Variants in DEPTOR observed in about 807,000 individuals in gnomAD.
The protein encoded by DEPTOR is DEP domain-containing mTOR-interacting protein.
In DEPTOR, 41 loss-of-function variants were observed where a neutral mutation model predicts 41.6. The observed-to-expected ratio is 0.98, with a 90% CI of 0.77 to 1.28. The LOEUF is 1.28. DEPTOR is among the 50% of genes most tolerant of loss of function. The pLI is 0.00. For synonymous variants in DEPTOR, 195 were observed against 192.3 expected (o/e 1.01, Z -0.12); for missense variants, 514 against 527.9 (o/e 0.97, Z 0.26).
At chr8:120,010,538 C>A (rs755213127) in intron 8 of DEPTOR, among the ~76,000 whole-genome samples, 2 of 151,560 alleles carry the variant, frequency 1.3e-5, no homozygotes, top group Non-Finnish European at 2.9e-5. Context: ...ATTGCTTGAG[C>A]CTGGGAGGCA....
chr8:119,923,643 C>A (rs1366485227), intron 1 of DEPTOR, among the ~76,000 whole-genome samples: 1 of 152,016 alleles, frequency 6.6e-6, no homozygotes, highest in African/African-American at 2.4e-5. Context: ...TTATAATTTG[C>A]TTGATAAACT....
chr8:119,931,162 G>A (rs1828038574), intron 3 of DEPTOR, among the ~76,000 whole-genome samples: 1 of 151,976 alleles, frequency 6.6e-6, no homozygotes, highest in African/African-American at 2.4e-5. Flanking sequence ...AGTGAGCCGG[G>A]ATCACGTTAC....
At chr8:120,001,768 G>C (rs1812355156) in intron 5 of DEPTOR, 58 bp downstream of exon 5, 2 of 1,537,328 alleles carry the variant, frequency 1.3e-6, no homozygotes, top group Non-Finnish European at 1.8e-6. Flanking sequence ...AAATAGTGGA[G>C]CCATGACTCA....
chr8:119,980,216 G>A (rs139910356), intron 4 of DEPTOR, among the ~76,000 whole-genome samples: 376 of 149,686 alleles, frequency 2.5e-3, no homozygotes, highest in African/African-American at 8.8e-3. Flanking sequence ...ACTTTAACTC[G>A]CCATCTCCAA....
intron 1 of DEPTOR, among the ~76,000 whole-genome samples, chr8:119,911,379 C>T (rs1438099412): frequency 2.2e-5 from 3 of 139,456 alleles, no homozygotes; most frequent in Non-Finnish European, 3.0e-5. Context: ...AGTGCAATGG[C>T]GTGATCTTGG....
In DEPTOR at chr8:119,989,598, AATATGGGAATATAATAT is replaced by A. The variant is rs545207437; in HGVS notation, c.605-11910_605-11894del. Reference sequence around the variant, plus strand: ...TCCTTATCTGTAAACTGGGAATCATAATATGGGAATATAATATATATGGGAATATAATAACTCTCTCA... The same window carrying A: ...TCCTTATCTGTAAACTGGGAATCATAATATGGGAATATAATAACTCTCTCA... On this transcript the variant is annotated intron_variant, in intron 4 of 8. Transcript: ENST00000286234. 1.3e-3 allele frequency among the ~76,000 whole-genome samples: 193 copies of A among 152,324 alleles called. 2 individuals carry two copies. Among genetic ancestry groups the A allele is most frequent in the African/African-American group, 4.2e-3 (176 of 41,572 alleles).
intron 8 of DEPTOR, among the ~76,000 whole-genome samples, chr8:120,048,671 T>C (rs917060346): frequency 2.0e-5 from 3 of 152,190 alleles, no homozygotes; most frequent in Non-Finnish European, 4.4e-5. Context: ...TTGTTTTGCC[T>C]GTGACCGTGA....
intron 3 of DEPTOR, among the ~76,000 whole-genome samples, chr8:119,952,735 C>G (rs1219134356): frequency 2.0e-5 from 3 of 152,092 alleles, no homozygotes. Context: ...TCATCCATGT[C>G]CCTGCAAAGG....
At chr8:119,968,814 T>C (rs1016386387) in intron 4 of DEPTOR, among the ~76,000 whole-genome samples, 4 of 151,870 alleles carry the variant, frequency 2.6e-5, no homozygotes, top group African/African-American at 7.3e-5. Flanking sequence ...CAGTGAAAAA[T>C]GGTAGGTTTG....
intron 2 of DEPTOR, 150 bp downstream of exon 2, chr8:119,928,728 G>A: frequency 1.4e-6 from 1 of 721,788 alleles, no homozygotes; most frequent in Non-Finnish European, 2.0e-6. Context: ...CCTCTAAGAG[G>A]CATTTGGGTT....
At chr8:120,044,480 A>G (rs906714591) in intron 8 of DEPTOR, among the ~76,000 whole-genome samples, 2 of 152,166 alleles carry the variant, frequency 1.3e-5, no homozygotes, top group Non-Finnish European at 2.9e-5. Flanking sequence ...GGACCCAAAT[A>G]CCAGAGCAAA....
rs182107576 is a variant in DEPTOR at position 119,896,418 on chromosome 8, G to A, written c.122+22450G>A. ...CAGCCCTAAGCTGTTGGAGTGTGGC[G>A]GTCAGAGGCGGAGATGCCCCAGCTA... On this transcript the variant is annotated intron_variant, in intron 1 of 8. Transcript: ENST00000286234. Among the ~76,000 whole-genome samples, 17 of 152,238 alleles carry A rather than the reference G, an allele frequency of 1.1e-4. No individual in the cohort carries two copies. In the East Asian group the frequency reaches 2.3e-3, roughly 21 times the overall value.
intron 8 of DEPTOR, among the ~76,000 whole-genome samples, chr8:120,030,086 C>T (rs1812861763): frequency 6.6e-6 from 1 of 152,080 alleles, no homozygotes; most frequent in South Asian, 2.1e-4. Context: ...GTAATCAGGA[C>T]CAGGCACAAA....
At chr8:119,912,053 T>G (rs1283847681) in intron 1 of DEPTOR, among the ~76,000 whole-genome samples, 1 of 152,224 alleles carries the variant, frequency 6.6e-6, no homozygotes, top group Non-Finnish European at 1.5e-5. Flanking sequence ...CAAAATATTA[T>G]ATAGGTAAAC....
intron 1 of DEPTOR, among the ~76,000 whole-genome samples, chr8:119,928,103 G>A (rs1219518005): frequency 6.6e-6 from 1 of 152,098 alleles, no homozygotes; most frequent in Non-Finnish European, 1.5e-5. Context: ...GAAAAAGCAG[G>A]GAGTGAGGCA....
intron 3 of DEPTOR, among the ~76,000 whole-genome samples, chr8:119,954,287 G>T (rs1205353108): frequency 6.6e-6 from 1 of 151,600 alleles, no homozygotes. Flanking sequence ...AAGACTACAG[G>T]CATGTGCCAC....
At chr8:119,964,515 C>CAAAAAAAAAAAAAAAAAAAAAAAAAAAA (rs536731714) in intron 3 of DEPTOR, among the ~76,000 whole-genome samples, 1 of 121,692 alleles carries the variant, frequency 8.2e-6, no homozygotes. Flanking sequence ...AAGCCCGTCT[C>CAAAAAAAAAAAAAAAAAAAAAAAAAAAA]AAAAAAAAAA....
chr8:120,002,453 A>G (rs548849426), intron 5 of DEPTOR, among the ~76,000 whole-genome samples: 1 of 152,142 alleles, frequency 6.6e-6, no homozygotes, highest in African/African-American at 2.4e-5. Flanking sequence ...AGTAGTTTTT[A>G]TATATCATTT....
At chr8:119,879,386 C>T (rs1827268711) in intron 1 of DEPTOR, among the ~76,000 whole-genome samples, 1 of 152,102 alleles carries the variant, frequency 6.6e-6, no homozygotes, top group Non-Finnish European at 1.5e-5. Context: ...AAAACTTGTA[C>T]ACAGATGTTC....
Sources: allele counts gnomAD v4.1 joint callset (sites outside exome capture counted in the v4.1 genomes callset), GRCh38; gene constraint gnomAD v4.1.1; transcripts MANE v1.5; gene names NCBI Gene and HGNC (gene_info 2026-07-23, HGNC 2026-07-21).